Variants in RALGPS1 observed in about 807,000 individuals in gnomAD.
RALGPS1 encodes the protein ras-specific guanine nucleotide-releasing factor RalGPS1.
Under a neutral mutation model 78.8 loss-of-function variants are expected in RALGPS1, and 19 were observed. The ratio of observed to expected loss-of-function variants is 0.24; its 90% CI spans 0.17 to 0.35. The LOEUF (loss-of-function observed/expected upper bound fraction) is 0.35. Among genes scored for constraint, RALGPS1 ranks in the 10% least tolerant of loss-of-function variants. The probability of loss-of-function intolerance (pLI) is 1.00; values close to 1 mark genes in which losing one functional copy is unlikely to be tolerated. For missense variants in RALGPS1, 454 were observed against 688.3 expected (o/e 0.66, Z 3.81); for synonymous variants, 228 against 256.3 (o/e 0.89, Z 1.06).
At chr9:127,174,685 A>G (rs1305617981) in intron 10 of RALGPS1, 30 bp from the exon 11 acceptor site, 3 of 1,610,154 alleles carry the variant, frequency 1.9e-6, no homozygotes, top group Non-Finnish European at 2.5e-6. Context: ...ACCAGAGCCC[A>G]TCTGATCTTA....
intron 4 of RALGPS1, among the ~76,000 whole-genome samples, chr9:127,002,047 A>G (rs1024839546): frequency 6.6e-6 from 1 of 152,208 alleles, no homozygotes; most frequent in South Asian, 2.1e-4. Context: ...GCATTTTTAC[A>G]AAGCAAACAA....
rs573059025 is a variant in RALGPS1, at chr9:127,091,826, T to C, written c.610+22470T>C. ...AAACTGGCGTATTCTGCAAAGACTT[T>C]GCGGCCGGACCAGTCCTCCATGGTC... On this transcript the variant is annotated intron_variant, in intron 8 of 18. Transcript: ENST00000259351. The surrounding 1 kb of genome is among the most constrained non-coding windows in gnomAD (Gnocchi z 4.3). 3 of 1,614,206 alleles carry C rather than the reference T, an allele frequency of 1.9e-6. No individual in the cohort carries two copies. The highest frequency in any genetic ancestry group is 1.3e-5 in the African/African-American group (1 of 75,050).
chr9:126,970,633 ATG>A (rs1564334807), intron 3 of RALGPS1, among the ~76,000 whole-genome samples: 1 of 147,746 alleles, frequency 6.8e-6, no homozygotes, highest in East Asian at 2.0e-4. Context: ...GTGTGTGTGT[ATG>A]TGTGTGAGTG....
intron 9 of RALGPS1, 79 bp downstream of exon 9, chr9:127,166,285 C>T (rs754577581): frequency 3.2e-5 from 49 of 1,525,390 alleles, no homozygotes; most frequent in Non-Finnish European, 3.6e-5. Context: ...GCTCTAGAAA[C>T]CTTTCAAAGA....
chr9:127,040,555 T>A (rs1348731890), intron 5 of RALGPS1, among the ~76,000 whole-genome samples: 1 of 152,092 alleles, frequency 6.6e-6, no homozygotes, highest in East Asian at 1.9e-4. Context: ...AGGACTAGAA[T>A]GTTTAAAGAT....
At chr9:127,129,282 A>G (rs1011192196) in intron 8 of RALGPS1, among the ~76,000 whole-genome samples, 3 of 152,186 alleles carry the variant, frequency 2.0e-5, no homozygotes, top group Admixed American at 6.6e-5. Flanking sequence ...TTGTTTCTTC[A>G]TAGCGAAAAA....
At chr9:127,039,270 T>C (rs557142164) in intron 5 of RALGPS1, among the ~76,000 whole-genome samples, 1 of 152,108 alleles carries the variant, frequency 6.6e-6, no homozygotes, top group African/African-American at 2.4e-5. Context: ...CTTGGTGATA[T>C]GGAAAGGGCA....
intron 8 of RALGPS1, among the ~76,000 whole-genome samples, chr9:127,079,149 A>T (rs2050944875): frequency 6.6e-6 from 1 of 152,034 alleles, no homozygotes; most frequent in African/African-American, 2.4e-5. Flanking sequence ...ACTTCTAGGG[A>T]CTCTTCCTGT....
intron 8 of RALGPS1, among the ~76,000 whole-genome samples, chr9:127,142,553 C>G (rs2057850695): frequency 6.6e-6 from 1 of 152,164 alleles, no homozygotes; most frequent in African/African-American, 2.4e-5. Flanking sequence ...ATTGAGTTAG[C>G]AGGTCCAGGA....
At chr9:126,968,280 C>G (rs753257582) in intron 3 of RALGPS1, among the ~76,000 whole-genome samples, 1 of 152,170 alleles carries the variant, frequency 6.6e-6, no homozygotes, top group Admixed American at 6.5e-5. Context: ...GTTGGGATTA[C>G]AGGCATGAGC....
intron 8 of RALGPS1, among the ~76,000 whole-genome samples, chr9:127,156,000 C>G (rs2058690879): frequency 6.6e-6 from 1 of 151,692 alleles, no homozygotes; most frequent in Non-Finnish European, 1.5e-5. Flanking sequence ...AGTTTCATAC[C>G]CAAAGATGGC....
In RALGPS1 at chr9:127,091,844, C is replaced by T. The variant is rs1313349894; in HGVS notation, c.610+22488C>T. ...AAGACTTTGCGGCCGGACCAGTCCTCCATGGTCACCAGGAGTTTGTAGTTG... is the reference window on the plus strand; with the variant it reads ...AAGACTTTGCGGCCGGACCAGTCCTTCATGGTCACCAGGAGTTTGTAGTTG... On this transcript the variant is annotated intron_variant, in intron 8 of 18. Transcript: ENST00000259351. The surrounding 1 kb of genome is among the most constrained non-coding windows in gnomAD (Gnocchi z 4.3). 1.9e-6 allele frequency: 3 copies of T among 1,614,204 alleles called. No homozygotes were observed. Among genetic ancestry groups the T allele is most frequent in the Non-Finnish European group, 2.5e-6 (3 of 1,180,040 alleles).
At chr9:127,142,283 T>A (rs1181100064) in intron 8 of RALGPS1, among the ~76,000 whole-genome samples, 1 of 152,036 alleles carries the variant, frequency 6.6e-6, no homozygotes, top group Non-Finnish European at 1.5e-5. Flanking sequence ...ACAGTAGGAG[T>A]AGAGTGTCTA....
At chr9:127,000,612 T>C (rs955793375) in intron 4 of RALGPS1, among the ~76,000 whole-genome samples, 1 of 137,856 alleles carries the variant, frequency 7.3e-6, no homozygotes, top group African/African-American at 2.6e-5. Flanking sequence ...GCAAAGGTAC[T>C]ATCTCGGCTC....
rs577363467 is a variant in RALGPS1 at position 127,056,527 on chromosome 9, A to G, written c.483+3588A>G. On this transcript the variant is annotated intron_variant, in intron 7 of 18. Coordinates refer to ENST00000259351, the MANE Select transcript of RALGPS1 (RefSeq NM_014636.3). ...CATGTCTTGTTAATCCAAGGACTAC[A>G]TTTGGCATAGAACATTTAGGAAACA... Among the ~76,000 whole-genome samples the G allele has an allele frequency of 2.6e-5, 4 of 152,270 alleles. No homozygotes were observed. The South Asian group carries it at 6.2e-4, about 24-fold the overall frequency.
chr9:127,060,093 G>T (rs999492771), intron 7 of RALGPS1, among the ~76,000 whole-genome samples: 2 of 152,164 alleles, frequency 1.3e-5, no homozygotes, highest in Non-Finnish European at 2.9e-5. Context: ...TGGGAGCTAG[G>T]GTTGTAATGC....
At chr9:127,185,342 T>A (rs1339092463) in intron 11 of RALGPS1, among the ~76,000 whole-genome samples, 1 of 152,252 alleles carries the variant, frequency 6.6e-6, no homozygotes, top group Non-Finnish European at 1.5e-5. Context: ...CTGTTCTGTC[T>A]GCATCCATCA....
At chr9:126,995,514 C>T (rs1486875527) in intron 4 of RALGPS1, among the ~76,000 whole-genome samples, 1 of 152,192 alleles carries the variant, frequency 6.6e-6, no homozygotes, top group Admixed American at 6.5e-5. Context: ...AATACTGGAG[C>T]ACCCAGATTC....
At chr9:127,200,392 C>T (rs533717990) in intron 14 of RALGPS1, among the ~76,000 whole-genome samples, 15 of 152,350 alleles carry the variant, frequency 9.8e-5, no homozygotes, top group East Asian at 3.9e-4. Flanking sequence ...ATAGTGTCCC[C>T]GTTTTATACA....
Sources: allele counts gnomAD v4.1 joint callset (sites outside exome capture counted in the v4.1 genomes callset), GRCh38; gene constraint gnomAD v4.1.1; non-coding constraint Gnocchi (gnomAD v3.1); transcripts MANE v1.5; gene names NCBI Gene and HGNC (gene_info 2026-07-23, HGNC 2026-07-21).